The following OTOG variants were observed in gnomAD, a reference collection of about 807,000 sequenced individuals.
OTOG encodes the protein otogelin.
A neutral mutation model predicts 313.8 loss-of-function variants in OTOG; 296 were observed. That is an observed-to-expected ratio of 0.94 (90% CI 0.86 to 1.04). The LOEUF (loss-of-function observed/expected upper bound fraction) is 1.04, where lower values mean the gene tolerates loss of function less well. Ranked by LOEUF, OTOG falls within the 50% of genes least tolerant of loss-of-function variation. The pLI is 0.00. For missense variants in OTOG, 3,948 were observed against 3,840.1 expected (o/e 1.03, Z -0.74); for synonymous variants, 1,533 against 1,554.9 (o/e 0.99, Z 0.33).
In OTOG at chr11:17,576,929, G is replaced by A. The variant is rs746393630; in HGVS notation, c.2605+18G>A. 1.1e-5 allele frequency: 17 copies of A among 1,549,886 alleles called. No homozygotes were observed. The highest frequency in any genetic ancestry group is 1.7e-4 in the Middle Eastern group (1 of 5,984). On this transcript the variant is annotated intron_variant, in intron 22 of 55. Coordinates refer to ENST00000399397, the MANE Select transcript of OTOG (RefSeq NM_001292063.2). ...AGCCCCAGGTAAGGGTGGGTGGAGG[G>A]GTGGAGCCCTTCTGGGGGCTCCACA...
intron 49 of OTOG, 51 bp from the exon 50 acceptor site, chr11:17,640,694 G>A: frequency 6.5e-7 from 1 of 1,531,102 alleles, no homozygotes; most frequent in Non-Finnish European, 8.8e-7. Context: ...CTGCTCCTGA[G>A]GGCCAGGCTG....
At chr11:17,567,721 C>T (rs554747215) in intron 15 of OTOG, among the ~76,000 whole-genome samples, 4 of 152,244 alleles carry the variant, frequency 2.6e-5, no homozygotes, top group African/African-American at 7.2e-5. Context: ...ATGCATTAAA[C>T]GACTTCCTGT....
intron 30 of OTOG, among the ~76,000 whole-genome samples, chr11:17,597,459 G>A (rs1175264431): frequency 1.3e-5 from 2 of 152,156 alleles, no homozygotes; most frequent in African/African-American, 2.4e-5. Flanking sequence ...GACCAAACTG[G>A]GTGATGAATA....
intron 3 of OTOG, among the ~76,000 whole-genome samples, chr11:17,551,683 G>C (rs1008959605): frequency 8.5e-5 from 13 of 152,140 alleles, no homozygotes; most frequent in Non-Finnish European, 1.3e-4. Flanking sequence ...GGGAGAGAGG[G>C]AAGAAAAGGA....
intron 11 of OTOG, 104 bp from the exon 12 acceptor site, chr11:17,559,430 T>C: frequency 6.9e-7 from 1 of 1,445,562 alleles, no homozygotes. Flanking sequence ...ATCATGAAAA[T>C]CAAAGCCCTC....
At position 17,620,176 on chromosome 11, in the gene OTOG, T is replaced by C. The variant is rs76457613; in HGVS notation, c.6528+6475T>C. Among the ~76,000 whole-genome samples, 632 of 152,304 alleles carry C rather than the reference T, an allele frequency of 4.1e-3. 3 individuals carry two copies. Among genetic ancestry groups the C allele is most frequent in the African/African-American group, 0.015 (609 of 41,564 alleles). On this transcript the variant is annotated intron_variant, in intron 39 of 55. Transcript: ENST00000399397. ...TTCACAATATTGTGCAACCATTGCC[T>C]CTGTATAGCTCCAAAACATTTTCAT... is the stretch of plus-strand genomic sequence containing the variant.
At chr11:17,599,749 C>G in intron 31 of OTOG, 52 bp downstream of exon 31, 2 of 1,536,218 alleles carry the variant, frequency 1.3e-6, no homozygotes, top group Non-Finnish European at 1.8e-6. Flanking sequence ...ACTGCCAGCC[C>G]TGTCCTGACG....
At chr11:17,606,605 C>T (rs1023704277) in intron 33 of OTOG, among the ~76,000 whole-genome samples, 3 of 152,240 alleles carry the variant, frequency 2.0e-5, no homozygotes, top group African/African-American at 7.2e-5. Context: ...AACTCCCCGA[C>T]CTTCCACCAA....
At chr11:17,606,970 G>T (rs909786194) in intron 33 of OTOG, among the ~76,000 whole-genome samples, 1 of 152,200 alleles carries the variant, frequency 6.6e-6, no homozygotes. Flanking sequence ...GTCCCTCTCC[G>T]GAAGACACTA....
chr11:17,589,571 CAATT>C, intron 24 of OTOG, among the ~76,000 whole-genome samples: 5 of 152,178 alleles, frequency 3.3e-5, no homozygotes, highest in Non-Finnish European at 7.3e-5. Context: ...CCCATATAAA[CAATT>C]TGCATTCTCT....
chr11:17,589,630 TC>T (rs1192450243), intron 24 of OTOG, among the ~76,000 whole-genome samples: 3 of 152,142 alleles, frequency 2.0e-5, no homozygotes, highest in African/African-American at 7.2e-5. Flanking sequence ...TTGAAAAACT[TC>T]CAACCTCCTA....
rs2058003 is a variant in OTOG at position 17,632,025 on chromosome 11, A to G, written c.6934-63A>G. On this transcript the variant is annotated intron_variant, in intron 41 of 55. Transcript: ENST00000399397. ...ATTGTTCCTTTTGGGCAGGGAGGGGAGGAGCTGGGCACTGGGATATGTGCC... is the reference window on the plus strand; with the variant it reads ...ATTGTTCCTTTTGGGCAGGGAGGGGGGGAGCTGGGCACTGGGATATGTGCC... 0.19 allele frequency: 290,377 copies of G among 1,540,258 alleles called. 31,420 individuals are homozygous for G. The highest frequency in any genetic ancestry group is 0.47 in the African/African-American group (34,091 of 72,896).
intron 15 of OTOG, among the ~76,000 whole-genome samples, chr11:17,565,224 C>T (rs758828875): frequency 6.6e-6 from 1 of 152,098 alleles, no homozygotes; most frequent in Non-Finnish European, 1.5e-5. Flanking sequence ...CTCAGATTTC[C>T]CTTGTTTATG....
At chr11:17,581,187 G>C (rs925045560) in intron 23 of OTOG, among the ~76,000 whole-genome samples, 5 of 152,194 alleles carry the variant, frequency 3.3e-5, no homozygotes, top group Non-Finnish European at 4.4e-5. Flanking sequence ...ATAAATAGAA[G>C]GGGGCGTCGG....
intron 40 of OTOG, 33 bp downstream of exon 40, chr11:17,629,349 G>A: frequency 6.5e-7 from 1 of 1,527,426 alleles, no homozygotes; most frequent in Admixed American, 2.0e-5. Flanking sequence ...GGGAGGGGAT[G>A]CTTCCCAGGT....
Position 17,586,573 on chromosome 11 carries a change from C to G in OTOG, c.2859C>G (p.Cys953Trp). 1 of 1,386,762 alleles carries G rather than the reference C, an allele frequency of 7.2e-7. No individual in the cohort carries two copies. Among genetic ancestry groups the G allele is most frequent in the Non-Finnish European group, 9.4e-7 (1 of 1,063,232 alleles). 85.9% of individuals were successfully genotyped at this position (1,386,762 alleles called of 1,614,324 possible). ...YFPGDQVMSPCHTCVCQRGSF... is the reference protein window; with the variant it reads ...YFPGDQVMSPWHTCVCQRGSF... ...CTGGGGACCAGGTGATGTCTCCTTG[C>G]CATACCTGGTAAGTGAGGGTCCCAA... Residue 953 changes from cysteine (C) to tryptophan (W), a missense_variant, in exon 24 of 56, where the codon TGC (cysteine) becomes TGG (tryptophan). By Grantham distance (215) the Cys-to-Trp change is radical. Transcript: ENST00000399397.
intron 6 of OTOG, 61 bp from the exon 7 acceptor site, chr11:17,555,718 G>A: frequency 7.3e-7 from 1 of 1,361,940 alleles, no homozygotes; most frequent in East Asian, 2.5e-5. Flanking sequence ...AATAAGGTGT[G>A]AAGCTCAGGG....
At chr11:17,621,863 AGTTT>A (rs1853873488) in intron 39 of OTOG, among the ~76,000 whole-genome samples, 1 of 152,122 alleles carries the variant, frequency 6.6e-6, no homozygotes, top group African/African-American at 2.4e-5. Context: ...ATATTTTGTC[AGTTT>A]GTTTGATCAT....
In OTOG at chr11:17,610,177, G is replaced by A. The variant is rs1565116431; in HGVS notation, c.4877G>A (p.Gly1626Asp). 1.9e-6 allele frequency: 3 copies of A among 1,550,592 alleles called. No individual in the cohort carries two copies. The highest frequency in any genetic ancestry group is 1.7e-6 in the Non-Finnish European group (2 of 1,146,968). Residue 1626 changes from glycine (G) to aspartate (D), a missense_variant, in exon 36 of 56, where the codon GGC becomes GAC. Physicochemically the swap from Gly to Asp is moderately conservative, Grantham distance 94. Transcript: ENST00000399397. Reference protein sequence around the residue: ...MTKAVTVRGHGSLPVRTTPPQ... With the variant: ...MTKAVTVRGHDSLPVRTTPPQ... ...AAGGCTGTGACAGTCCGAGGCCATGGCTCCTTGCCTGTTAGGACGACACCC... is the reference window on the plus strand; with the variant it reads ...AAGGCTGTGACAGTCCGAGGCCATGACTCCTTGCCTGTTAGGACGACACCC...
Sources: allele counts gnomAD v4.1 joint callset (sites outside exome capture counted in the v4.1 genomes callset), GRCh38; gene constraint gnomAD v4.1.1; transcripts MANE v1.5; gene names NCBI Gene and HGNC (gene_info 2026-07-23, HGNC 2026-07-21).